KCNC2: variants seen among roughly 807,000 people sequenced by gnomAD.
KCNC2 encodes voltage-gated potassium channel KCNC2.
KCNC2 carries 21 observed loss-of-function variants against 44.5 expected under a neutral mutation model. The observed-to-expected ratio is 0.47, with a 90% CI of 0.33 to 0.68. The LOEUF is 0.68. KCNC2 is among the 30% of genes least tolerant of loss of function. The pLI is 0.01. For synonymous variants in KCNC2, 391 were observed against 339.1 expected, an observed-to-expected ratio of 1.15 and a Z score of -1.68; for missense variants, 589 against 826.2, an observed-to-expected ratio of 0.71 and a Z score of 3.52.
At chr12:75,156,099 G>A (rs1385664107) in intron 2 of KCNC2, among the ~76,000 whole-genome samples, 1 of 151,752 alleles carries the variant, frequency 6.6e-6, no homozygotes, top group African/African-American at 2.4e-5. Flanking sequence ...TTTAAGAGTA[G>A]AGATATCACA....
chr12:75,042,218 TA>T lies in KCNC2; in HGVS notation c.*886del, dbSNP rs201871666. On this transcript the variant is annotated 3_prime_UTR_variant, in exon 5 of 5. Coordinates refer to ENST00000549446, the MANE Select transcript of KCNC2 (RefSeq NM_139137.4). ...ACAAACCCTGGGTATTTTTTTTTTT[TA>T]AAGAGTCTAGAACCAAGCAGCAATT... 7.1e-3 allele frequency: 9,290 copies of T among 1,313,010 alleles called. 13 individuals are homozygous for T. The highest frequency in any genetic ancestry group is 0.028 in the East Asian group (904 of 31,796). The allele number at this position is 1,313,010 out of a possible 1,614,324, so 81.3% of individuals were successfully genotyped here.
intron 1 of KCNC2, among the ~76,000 whole-genome samples, chr12:75,208,629 G>A (rs1473120397): frequency 1.9e-5 from 2 of 104,012 alleles, no homozygotes; most frequent in Non-Finnish European, 3.8e-5. Flanking sequence ...GGTCAACCCC[G>A]GACCCCTCTC....
intron 2 of KCNC2, among the ~76,000 whole-genome samples, chr12:75,156,188 A>G (rs749993323): frequency 1.3e-5 from 2 of 151,850 alleles, no homozygotes; most frequent in Non-Finnish European, 2.9e-5. Flanking sequence ...GGTCAAACAC[A>G]TAGGACATAG....
intron 4 of KCNC2, among the ~76,000 whole-genome samples, chr12:75,045,831 T>C (rs1012665226): frequency 6.6e-6 from 1 of 151,942 alleles, no homozygotes; most frequent in African/African-American, 2.4e-5. Context: ...ACGTTCATAT[T>C]TTTAGCTAGA....
At chr12:75,166,263 A>G (rs1436758137) in intron 2 of KCNC2, among the ~76,000 whole-genome samples, 1 of 151,160 alleles carries the variant, frequency 6.6e-6, no homozygotes, top group East Asian at 1.9e-4. Flanking sequence ...TCAGGAAAAT[A>G]TAAGTAGAAG....
At chr12:75,074,086 T>A (rs1290748584) in intron 2 of KCNC2, among the ~76,000 whole-genome samples, 1 of 152,110 alleles carries the variant, frequency 6.6e-6, no homozygotes, top group East Asian at 1.9e-4. Context: ...AAAGTAGATT[T>A]AGAGTTTAAA....
rs1276305828 is a variant in KCNC2, at chr12:75,041,061, G to C, written c.*2044C>G. 6.6e-7 allele frequency: 1 copy of C among 1,521,948 alleles called. No individual in the cohort carries two copies. Among genetic ancestry groups the C allele is most frequent in the Non-Finnish European group, 9.0e-7 (1 of 1,111,098 alleles). The allele number at this position is 1,521,948 out of a possible 1,614,324, so 94.3% of individuals were successfully genotyped here. A position where few individuals can be genotyped will look rare whatever the true frequency, so the allele number is the denominator to read the frequency against. ...TTATAAGCTTTAAGTGCCTCATGAA[G>C]ACGCGAGGATCTCTTCCAAGTGCAA... On this transcript the variant is annotated 3_prime_UTR_variant, in exon 5 of 5. Coordinates refer to ENST00000549446, the MANE Select transcript of KCNC2 (RefSeq NM_139137.4).
At chr12:75,132,133 A>G (rs1008191105) in intron 2 of KCNC2, among the ~76,000 whole-genome samples, 2 of 152,130 alleles carry the variant, frequency 1.3e-5, no homozygotes, top group Admixed American at 6.6e-5. Context: ...TGGAAAGGTG[A>G]ATTAATAAAA....
chr12:75,133,356 T>G (rs1461973297), intron 2 of KCNC2, among the ~76,000 whole-genome samples: 1 of 151,942 alleles, frequency 6.6e-6, no homozygotes, highest in African/African-American at 2.4e-5. Context: ...TTACAAATTG[T>G]ATGCTTGTAA....
intron 2 of KCNC2, among the ~76,000 whole-genome samples, chr12:75,121,129 C>T (rs1032465662): frequency 6.6e-6 from 1 of 152,162 alleles, no homozygotes; most frequent in Non-Finnish European, 1.5e-5. Flanking sequence ...TATCTCACTC[C>T]TATTTCCTAA....
intron 2 of KCNC2, among the ~76,000 whole-genome samples, chr12:75,072,180 T>C (rs1246216559): frequency 1.3e-5 from 2 of 152,178 alleles, no homozygotes; most frequent in African/African-American, 4.8e-5. Context: ...GCTGCCTGTG[T>C]TGCCTGCCAT....
chr12:75,074,090 G>A lies in KCNC2; in HGVS notation c.688-22773C>T, dbSNP rs541487784. ...ATAATAAATAAAAAGTAGATTTAGA[G>A]TTTAAAATGATGGTTGGTTTTAGGA... is the stretch of plus-strand genomic sequence containing the variant. On this transcript the variant is annotated intron_variant, in intron 2 of 4. Transcript: ENST00000549446. 3.3e-5 allele frequency among the ~76,000 whole-genome samples: 5 copies of A among 152,142 alleles called. No individual in the cohort carries two copies. The South Asian group carries it at 8.3e-4, about 25-fold the overall frequency.
intron 2 of KCNC2, among the ~76,000 whole-genome samples, chr12:75,177,034 A>T (rs1423009732): frequency 3.5e-5 from 2 of 56,406 alleles, no homozygotes; most frequent in African/African-American, 6.7e-5. Flanking sequence ...TGCAAGTTTT[A>T]TATATATATA....
intron 2 of KCNC2, among the ~76,000 whole-genome samples, chr12:75,128,436 G>A (rs1222871994): frequency 6.6e-6 from 1 of 152,126 alleles, no homozygotes; most frequent in Non-Finnish European, 1.5e-5. Context: ...ACAATACTTG[G>A]AGAATTAAAG....
chr12:75,048,268 TGGG>T lies in KCNC2; in HGVS notation c.1662_1664del (p.Pro555del), dbSNP rs772232838. On this transcript the variant is annotated inframe_deletion, in exon 4 of 5. Coordinates refer to ENST00000549446, the MANE Select transcript of KCNC2 (RefSeq NM_139137.4). ...TAGAGCGTCTGATGGGGAGCCTTTC[TGGG>T]GGTGATAGTGGCGGCTCACTTCCTG... 2 of 1,613,022 alleles carry T rather than the reference TGGG, an allele frequency of 1.2e-6. No individual in the cohort carries two copies. Among genetic ancestry groups the T allele is most frequent in the Non-Finnish European group, 1.7e-6 (2 of 1,179,326 alleles).
rs1482894746 is a variant in KCNC2 at position 75,115,107 on chromosome 12, C to T, written c.688-63790G>A. 2.0e-5 allele frequency among the ~76,000 whole-genome samples: 3 copies of T among 151,918 alleles called. No homozygotes were observed. The South Asian group carries it at 6.2e-4, about 32-fold the overall frequency. The stretch of plus-strand genomic sequence containing the variant: ...CTCGATCTCCTGACCTCGTGATCCA[C>T]CCGCCTGGGCCTCCCAAAGTGCTGG... On this transcript the variant is annotated intron_variant, in intron 2 of 4. Transcript: ENST00000549446.
chr12:75,170,280 A>G (rs1325858104), intron 2 of KCNC2, among the ~76,000 whole-genome samples: 1 of 151,718 alleles, frequency 6.6e-6, no homozygotes, highest in Non-Finnish European at 1.5e-5. Context: ...GGAGTAAGTG[A>G]TTTGCTCAGG....
chr12:75,188,189 T>A (rs568501347), intron 2 of KCNC2, among the ~76,000 whole-genome samples: 14 of 152,306 alleles, frequency 9.2e-5, no homozygotes, highest in South Asian at 6.2e-4. Context: ...AGAGGAGTTA[T>A]CGATCTTTAT....
rs539092423 is a variant in KCNC2 at position 75,093,987 on chromosome 12, G to A, written c.688-42670C>T. Among the ~76,000 whole-genome samples, 145 of 151,644 alleles carry A rather than the reference G, an allele frequency of 9.6e-4. 1 individual carries two copies. The highest frequency in any genetic ancestry group is 3.7e-3 in the South Asian group (18 of 4,818). On this transcript the variant is annotated intron_variant, in intron 2 of 4. Transcript: ENST00000549446. ...CAACCTAATAATAATGCATAGGCTC[G>A]GAACAGTACTTTACTAATCCCTTTT...
Sources: gnomAD v4.1 joint callset for allele counts (sites outside exome capture counted in the v4.1 genomes callset) on GRCh38, gnomAD v4.1.1 for gene constraint, MANE v1.5 for transcripts, NCBI Gene and HGNC (gene_info 2026-07-23, HGNC 2026-07-21) for gene names.